Variants in SLC46A2 observed in about 807,000 individuals in gnomAD.
The protein encoded by SLC46A2 is thymic stromal co-transporter.
SLC46A2 carries 25 observed loss-of-function variants against 33.1 expected under a neutral mutation model. That is an observed-to-expected ratio of 0.76 (90% CI 0.55 to 1.06). The LOEUF is 1.06. Among genes scored for constraint, SLC46A2 ranks in the 50% least tolerant of loss-of-function variants. The probability of loss-of-function intolerance (pLI) is 0.00; values close to 1 mark genes in which losing one functional copy is unlikely to be tolerated. For synonymous variants in SLC46A2, 254 were observed against 275.9 expected (o/e 0.92, Z 0.79); for missense variants, 622 against 621.7 (o/e 1.00, Z 0.00).
In SLC46A2 at chr9:112,889,836, G is replaced by A; in HGVS notation, c.846C>T (p.Thr282=). The A allele has an allele frequency of 3.1e-6, 5 of 1,614,240 alleles. No homozygotes were observed. Among genetic ancestry groups the A allele is most frequent in the African/African-American group, 1.3e-5 (1 of 75,066 alleles). ...TAGCACCCACAAAGAGCAAGGCAAT[G>A]GTGGTTTTATGGGGTTTTGCTTTTC... The part of the protein sequence containing the change: ...SPGKAKPHKT[T]IALLFVGAII... The change falls in exon 1 of 4, where the codon ACC becomes ACT. Residue 282 remains threonine, a synonymous_variant. Coordinates refer to ENST00000374228, the MANE Select transcript of SLC46A2 (RefSeq NM_033051.4).
intron 3 of SLC46A2, among the ~76,000 whole-genome samples, chr9:112,882,695 G>C (rs1841595949): frequency 6.6e-6 from 1 of 152,132 alleles, no homozygotes; most frequent in Non-Finnish European, 1.5e-5. Flanking sequence ...GAGGTGGGGG[G>C]AGATGAAGGA....
Position 112,886,441 on chromosome 9 carries a change from G to C in SLC46A2, c.1370+19C>G, listed in dbSNP as rs1841643003. The C allele has an allele frequency of 6.2e-7, 1 of 1,613,466 alleles. No individual in the cohort carries two copies. The highest frequency in any genetic ancestry group is 2.2e-5 in the East Asian group (1 of 44,880). Reference sequence around the variant, plus strand: ...CATCAGGGTCCCAGCCCAAGCAGCAGATGCTGCTCCCATCCTACCTAATTG... The same window carrying C: ...CATCAGGGTCCCAGCCCAAGCAGCACATGCTGCTCCCATCCTACCTAATTG... On this transcript the variant is annotated intron_variant, in intron 3 of 3. Transcript: ENST00000374228.
chr9:112,886,226 G>C (rs1316330670), intron 3 of SLC46A2, among the ~76,000 whole-genome samples: 1 of 152,236 alleles, frequency 6.6e-6, no homozygotes, highest in Non-Finnish European at 1.5e-5. Context: ...CAAAGAGTGA[G>C]CCAGTGCCTA....
At position 112,889,666 on chromosome 9, in the gene SLC46A2, A is replaced by T; in HGVS notation, c.1016T>A (p.Leu339Gln). The stretch of plus-strand genomic sequence containing the variant: ...GTCCCGAAAGCAGCGGGAGAAGACC[A>T]GGACACCCAGGAAGCTGGTGATGAA... ...TIFITSFLGV[L>Q]VFSRCFRDTT... is the part of the protein sequence containing the mutation. The change falls in exon 1 of 4, where the codon CTG (leucine) becomes CAG (glutamine). Residue 339 changes from leucine to glutamine, a missense_variant. Physicochemically the swap from Leu to Gln is moderately radical, Grantham distance 113. Transcript: ENST00000374228. 6.2e-7 allele frequency: 1 copy of T among 1,614,132 alleles called. No individual in the cohort carries two copies. The highest frequency in any genetic ancestry group is 1.1e-5 in the South Asian group (1 of 91,058).
At chr9:112,887,777 C>G (rs904806664) in intron 1 of SLC46A2, among the ~76,000 whole-genome samples, 1 of 152,174 alleles carries the variant, frequency 6.6e-6, no homozygotes, top group Non-Finnish European at 1.5e-5. Flanking sequence ...AAGTGTCTGT[C>G]CTTGACATTA....
chr9:112,885,436 A>ATATG (rs1554759741), intron 3 of SLC46A2: 1 of 50,602 alleles, frequency 2.0e-5, no homozygotes, highest in African/African-American at 5.8e-5. Flanking sequence ...ATATATATAT[A>ATATG]TGTGTATATA....
Position 112,879,778 on chromosome 9 carries a change from T to C in SLC46A2, c.1412A>G (p.Asp471Gly), listed in dbSNP as rs754310496. 6.2e-7 allele frequency: 1 copy of C among 1,612,628 alleles called. No individual in the cohort carries two copies. The highest frequency in any genetic ancestry group is 2.2e-5 in the East Asian group (1 of 44,842). The change falls in exon 4 of 4, where the codon GAC becomes GGC. Residue 471 changes from aspartate to glycine, a missense_variant. Physicochemically the swap from Asp to Gly is moderately conservative, Grantham distance 94. Coordinates refer to ENST00000374228, the MANE Select transcript of SLC46A2 (RefSeq NM_033051.4). ...TAAGCATCTTCATTTCTCTATGATGTCTCCATATGGTGACAATGGGACTTG... is the reference window on the plus strand; with the variant it reads ...TAAGCATCTTCATTTCTCTATGATGCCTCCATATGGTGACAATGGGACTTG... The part of the protein sequence containing the change: ...YKQVPLSPYG[D>G]IIEK
At position 112,890,500 on chromosome 9, in the gene SLC46A2, G is replaced by C. The variant is rs776803912; in HGVS notation, c.182C>G (p.Ser61Trp). 6.2e-7 allele frequency: 1 copy of C among 1,613,630 alleles called. No homozygotes were observed. Among genetic ancestry groups the C allele is most frequent in the Non-Finnish European group, 8.5e-7 (1 of 1,179,846 alleles). The change falls in exon 1 of 4, where the codon TCG becomes TGG. Residue 61 changes from serine (S) to tryptophan (W), a missense_variant. Transcript: ENST00000374228. This position sits in a 1 kb window ranked among gnomAD's most constrained non-coding sequence, Gnocchi z 6.0. ...GGSSNHSASP[S>W]PRGALEDQQQ... ...TTGGTCCTCTAGAGCCCCCCGGGGC[G>C]ATGGGCTGGCACTGTGGTTGGAGGA... is the stretch of plus-strand genomic sequence containing the variant.
rs764836555 is a variant in SLC46A2, at chr9:112,879,727, T to A, written c.*35A>T. ...CTTTTGTCTTCTGGGGGCCTGGCCA[T>A]GGCTGATGTTTTCAGTTCCTGCAGG... On this transcript the variant is annotated 3_prime_UTR_variant, in exon 4 of 4. Transcript: ENST00000374228. The A allele has an allele frequency of 3.5e-5, 56 of 1,595,338 alleles. No homozygotes were observed. Among genetic ancestry groups the A allele is most frequent in the Admixed American group, 5.0e-5 (3 of 59,902 alleles).
chr9:112,887,278 C>T, intron 2 of SLC46A2, 52 bp downstream of exon 2: 1 of 1,568,722 alleles, frequency 6.4e-7, no homozygotes, highest in South Asian at 1.1e-5. Flanking sequence ...TGCTTAGCAG[C>T]TCTGAAACAG....
intron 3 of SLC46A2, among the ~76,000 whole-genome samples, chr9:112,884,013 A>C (rs143734931): frequency 6.6e-6 from 1 of 152,336 alleles, no homozygotes; most frequent in Non-Finnish European, 1.5e-5. Context: ...GTTTATGAAG[A>C]ATGAGGCATT....
rs1841701111 is a variant in SLC46A2, at chr9:112,889,765, A to G, written c.917T>C (p.Leu306Pro). 6.2e-7 allele frequency: 1 copy of G among 1,614,138 alleles called. No individual in the cohort carries two copies. The change falls in exon 1 of 4, where the codon CTT becomes CCT. Residue 306 changes from leucine to proline, a missense_variant. Coordinates refer to ENST00000374228, the MANE Select transcript of SLC46A2 (RefSeq NM_033051.4). Reference sequence around the variant, plus strand: ...ACCGAGAGGCTCCCTCAGCACAAAAAGAGGGATCACGTCCACTGTGCCCAC... The same window carrying G: ...ACCGAGAGGCTCCCTCAGCACAAAAGGAGGGATCACGTCCACTGTGCCCAC... ...AVVGTVDVIPLFVLREPLGWN... is the reference protein window; with the variant it reads ...AVVGTVDVIPPFVLREPLGWN...
intron 3 of SLC46A2, among the ~76,000 whole-genome samples, chr9:112,884,254 T>C (rs113870108): frequency 0.012 from 1,902 of 152,350 alleles, 34 homozygotes; most frequent in African/African-American, 0.043. Flanking sequence ...AAGGGGATGC[T>C]GACTGTGATC....
rs1827222804 is a variant in SLC46A2, at chr9:112,890,847, G to T, written c.-166C>A. ...TGCGCCGGGAGCGCGCCGGCCAGTG[G>T]CGAGCAGAGCCAGGGCACGCAGCGC... On this transcript the variant is annotated 5_prime_UTR_variant, in exon 1 of 4. Transcript: ENST00000374228. This position sits in a 1 kb window ranked among gnomAD's most constrained non-coding sequence, Gnocchi z 6.0. 2 of 848,640 alleles carry T rather than the reference G, an allele frequency of 2.4e-6. No homozygotes were observed. Among genetic ancestry groups the T allele is most frequent in the East Asian group, 5.4e-5 (2 of 36,970 alleles). 52.6% of individuals were successfully genotyped at this position (848,640 alleles called of 1,614,324 possible).
rs1030043729 is a variant in SLC46A2 at position 112,890,686 on chromosome 9, C to T, written c.-5G>A. The T allele has an allele frequency of 6.3e-7, 1 of 1,593,262 alleles. No homozygotes were observed. The highest frequency in any genetic ancestry group is 8.5e-7 in the Non-Finnish European group (1 of 1,177,544). On this transcript the variant is annotated 5_prime_UTR_variant, in exon 1 of 4. Transcript: ENST00000374228. The surrounding 1 kb of genome is among the most constrained non-coding windows in gnomAD (Gnocchi z 6.0). ...GCAGGTGACCTCGGGGCTCATGTGACCTCTCTGATGGGGATCGAAGGGCTT... is the reference window on the plus strand; with the variant it reads ...GCAGGTGACCTCGGGGCTCATGTGATCTCTCTGATGGGGATCGAAGGGCTT...
At chr9:112,888,148 A>C (rs904831124) in intron 1 of SLC46A2, among the ~76,000 whole-genome samples, 1 of 152,130 alleles carries the variant, frequency 6.6e-6, no homozygotes, top group Non-Finnish European at 1.5e-5. Flanking sequence ...GTGGTGGTGC[A>C]TGCCTATAAT....
chr9:112,883,654 T>C (rs1412693909), intron 3 of SLC46A2, among the ~76,000 whole-genome samples: 1 of 151,898 alleles, frequency 6.6e-6, no homozygotes, highest in Non-Finnish European at 1.5e-5. Context: ...GGAGATTCTG[T>C]TGGGATAGCT....
In SLC46A2 at chr9:112,890,570, C is replaced by A. The variant is rs946884406; in HGVS notation, c.112G>T (p.Ala38Ser). The A allele has an allele frequency of 2.5e-6, 4 of 1,612,928 alleles. No individual in the cohort carries two copies. Among genetic ancestry groups the A allele is most frequent in the Non-Finnish European group, 3.4e-6 (4 of 1,180,006 alleles). The change falls in exon 1 of 4, where the codon GCG (alanine) becomes TCG (serine). Residue 38 changes from alanine to serine, a missense_variant. Ala to Ser is a moderately conservative substitution (Grantham distance 99). Coordinates refer to ENST00000374228, the MANE Select transcript of SLC46A2 (RefSeq NM_033051.4). The surrounding 1 kb of genome is among the most constrained non-coding windows in gnomAD (Gnocchi z 6.0). Reference protein sequence around the residue: ...SSQVAASLYDAGLLLVVKASY... With the variant: ...SSQVAASLYDSGLLLVVKASY... ...GCCTTCACCACGAGGAGTAGCCCCG[C>A]ATCGTAGAGGGAGGCAGCCACCTGG...
At chr9:112,888,675 G>A (rs190965914) in intron 1 of SLC46A2, among the ~76,000 whole-genome samples, 1,682 of 152,272 alleles carry the variant, frequency 0.011, 16 homozygotes, top group Non-Finnish European at 0.017. Flanking sequence ...CATTCATCTC[G>A]AGCTTTCTGC....
Sources: allele counts gnomAD v4.1 joint callset (sites outside exome capture counted in the v4.1 genomes callset), GRCh38; gene constraint gnomAD v4.1.1; non-coding constraint Gnocchi (gnomAD v3.1); transcripts MANE v1.5; gene names NCBI Gene and HGNC (gene_info 2026-07-23, HGNC 2026-07-21).